TUSC1: variants seen among roughly 807,000 people sequenced by gnomAD.
The protein encoded by TUSC1 is tumor suppressor candidate gene 1 protein.
TUSC1 carries 8 observed loss-of-function variants against 5.2 expected under a neutral mutation model. The ratio of observed to expected loss-of-function variants is 1.54; its 90% CI spans 0.90 to 2.77. The LOEUF (loss-of-function observed/expected upper bound fraction) is 2.77, where lower values mean the gene tolerates loss of function less well. TUSC1 is among the 30% of genes most tolerant of loss of function. TUSC1 has a pLI of 0.00. For synonymous variants in TUSC1, 192 were observed against 144.2 expected (o/e 1.33, Z -2.37); for missense variants, 442 against 324.2 (o/e 1.36, Z -2.79).
Position 25,677,326 on chromosome 9 carries a change from C to T in TUSC1, c.*357G>A. The T allele has an allele frequency of 7.3e-6, 2 of 275,642 alleles. No individual in the cohort carries two copies. Among genetic ancestry groups the T allele is most frequent in the Non-Finnish European group, 1.4e-5 (2 of 147,658 alleles). The allele number at this position is 275,642 out of a possible 1,614,324, so 17.1% of individuals were successfully genotyped here. A position where few individuals can be genotyped will look rare whatever the true frequency, so the allele number is the denominator to read the frequency against. On this transcript the variant is annotated 3_prime_UTR_variant, in exon 1 of 1. Transcript: ENST00000358022. ...GAAAAAAAAAAATACAACAGGTTCG[C>T]ACAACATCCAGAAAAGTTCAGGGAA...
In TUSC1 at chr9:25,677,293, A is replaced by C; in HGVS notation, c.*390T>G. 5.0e-6 allele frequency: 1 copy of C among 201,066 alleles called. No individual in the cohort carries two copies. The allele number at this position is 201,066 out of a possible 1,614,324, so 12.5% of individuals were successfully genotyped here. A position where few individuals can be genotyped will look rare whatever the true frequency, so the allele number is the denominator to read the frequency against. On this transcript the variant is annotated 3_prime_UTR_variant, in exon 1 of 1. Coordinates refer to ENST00000358022, the MANE Select transcript of TUSC1 (RefSeq NM_001004125.3). The stretch of plus-strand genomic sequence containing the variant: ...ACACATTACTCATCCCTCAGAACCA[A>C]AATACAGGAAAAAAAAAAATACAAC...
In TUSC1 at chr9:25,677,804, AGCAGGGCCCG is replaced by A; in HGVS notation, c.499_508del (p.Arg167CysfsTer47). 1 of 1,592,200 alleles carries A rather than the reference AGCAGGGCCCG, an allele frequency of 6.3e-7. No individual in the cohort carries two copies. Among genetic ancestry groups the A allele is most frequent in the Non-Finnish European group, 8.5e-7 (1 of 1,170,518 alleles). The stretch of plus-strand genomic sequence containing the variant: ...TCCCCGCTGCTCGAGGTGCAGCTGC[AGCAGGGCCCG>A]GCGGTACATGGCTTCCAGCTTCTCA... On this transcript the variant is annotated frameshift_variant, in exon 1 of 1. Transcript: ENST00000358022. LOFTEE classifies it low-confidence loss of function (END_TRUNC).
chr9:25,677,512 G>C lies in TUSC1; in HGVS notation c.*171C>G, dbSNP rs1257722773. 14 of 1,311,266 alleles carry C rather than the reference G, an allele frequency of 1.1e-5. No individual in the cohort carries two copies. The highest frequency in any genetic ancestry group is 1.5e-5 in the African/African-American group (1 of 67,456). 81.2% of individuals were successfully genotyped at this position (1,311,266 alleles called of 1,614,324 possible). On this transcript the variant is annotated 3_prime_UTR_variant, in exon 1 of 1. Coordinates refer to ENST00000358022, the MANE Select transcript of TUSC1 (RefSeq NM_001004125.3). ...TGCACCCACTCGACCTCCACCAAGCGGATGGCCAAGCGCCACCCGGAAGTG... is the reference window on the plus strand; with the variant it reads ...TGCACCCACTCGACCTCCACCAAGCCGATGGCCAAGCGCCACCCGGAAGTG...
chr9:25,678,179 A>ACGCCGC lies in TUSC1; in HGVS notation c.128_133dup (p.Gly43_Gly44dup), dbSNP rs555576178. On this transcript the variant is annotated inframe_insertion, in exon 1 of 1. Coordinates refer to ENST00000358022, the MANE Select transcript of TUSC1 (RefSeq NM_001004125.3). ...GCCGTCCGCGCGGCCTCGCCAGCCC[A>ACGCCGC]CGCCGCCGCCGCCGCCGCTGGGGCT... 696 of 1,384,844 alleles carry ACGCCGC rather than the reference A, an allele frequency of 5.0e-4. No homozygotes were observed. The highest frequency in any genetic ancestry group is 1.4e-3 in the Middle Eastern group (6 of 4,182). 85.8% of individuals were successfully genotyped at this position (1,384,844 alleles called of 1,614,324 possible).
rs1244366048 is a variant in TUSC1, at chr9:25,678,328, C to G, written c.-16G>C. On this transcript the variant is annotated 5_prime_UTR_variant, in exon 1 of 1. Coordinates refer to ENST00000358022, the MANE Select transcript of TUSC1 (RefSeq NM_001004125.3). ...TGCGCCACATCGGTCCCATCCCAAC[C>G]GCGCCGCCAGCCCCGTGGGCTGAGG... The G allele has an allele frequency of 7.0e-7, 1 of 1,428,570 alleles. No individual in the cohort carries two copies. Among genetic ancestry groups the G allele is most frequent in the Non-Finnish European group, 9.2e-7 (1 of 1,090,944 alleles). The allele number at this position is 1,428,570 out of a possible 1,614,324, so 88.5% of individuals were successfully genotyped here. A position where few individuals can be genotyped will look rare whatever the true frequency, so the allele number is the denominator to read the frequency against.
At position 25,677,568 on chromosome 9, in the gene TUSC1, T is replaced by C. The variant is rs1315334568; in HGVS notation, c.*115A>G. On this transcript the variant is annotated 3_prime_UTR_variant, in exon 1 of 1. Coordinates refer to ENST00000358022, the MANE Select transcript of TUSC1 (RefSeq NM_001004125.3). ...TGGTGGGGGCGGGAAGGCACCGTAG[T>C]CCAAGGTATCCGCGGGCAGGGAGCG... The C allele has an allele frequency of 2.8e-6, 4 of 1,433,354 alleles. No individual in the cohort carries two copies. The highest frequency in any genetic ancestry group is 3.6e-6 in the Non-Finnish European group (4 of 1,098,776). 88.8% of individuals were successfully genotyped at this position (1,433,354 alleles called of 1,614,324 possible).
Position 25,678,364 on chromosome 9 carries a change from C to A in TUSC1, c.-52G>T, listed in dbSNP as rs1819097511. ...CCCCGTGGGCTGAGGGGCCGCGCGG[C>A]CAGGCGCGGGCAAGTTCGGGGCTGG... On this transcript the variant is annotated 5_prime_UTR_variant, in exon 1 of 1. Coordinates refer to ENST00000358022, the MANE Select transcript of TUSC1 (RefSeq NM_001004125.3). The A allele has an allele frequency of 3.0e-6, 4 of 1,345,788 alleles. No homozygotes were observed. Among genetic ancestry groups the A allele is most frequent in the Non-Finnish European group, 2.9e-6 (3 of 1,045,106 alleles). 83.4% of individuals were successfully genotyped at this position (1,345,788 alleles called of 1,614,324 possible).
chr9:25,677,714 C>T lies in TUSC1; in HGVS notation c.599G>A (p.Arg200Gln), dbSNP rs866402579. The T allele has an allele frequency of 1.2e-5, 18 of 1,559,556 alleles. No individual in the cohort carries two copies. The highest frequency in any genetic ancestry group is 1.5e-5 in the Non-Finnish European group (17 of 1,152,242). The stretch of plus-strand genomic sequence containing the variant: ...CCAGGGCCCAGAGGGCTCCGAGTCC[C>T]GGGAGCGGAGGCCGGAGTCGGGTTC... Reference protein sequence around the residue: ...LQEPDSGLRSRDSEPSGPWL With the variant: ...LQEPDSGLRSQDSEPSGPWL Residue 200 changes from arginine (R) to glutamine (Q), a missense_variant, in exon 1 of 1, where the codon CGG becomes CAG. Physicochemically the swap from Arg to Gln is conservative, Grantham distance 43 (BLOSUM62 1). Transcript: ENST00000358022.
Position 25,677,843 on chromosome 9 carries a change from CGGGCCCTCA to C in TUSC1, c.461_469del (p.Leu154_Ala156del). The C allele has an allele frequency of 6.3e-7, 1 of 1,596,600 alleles. No homozygotes were observed. Among genetic ancestry groups the C allele is most frequent in the Non-Finnish European group, 8.5e-7 (1 of 1,173,902 alleles). On this transcript the variant is annotated inframe_deletion, in exon 1 of 1. Coordinates refer to ENST00000358022, the MANE Select transcript of TUSC1 (RefSeq NM_001004125.3). Reference sequence around the variant, plus strand: ...GTACATGGCTTCCAGCTTCTCAAGTCGGGCCCTCAGGGCCCTGGGGCTGCCCGGCTCGTC... The same window carrying C: ...GTACATGGCTTCCAGCTTCTCAAGTCGGGCCCTGGGGCTGCCCGGCTCGTC...
Position 25,677,706 on chromosome 9 carries a change from C to G in TUSC1, c.607G>C (p.Glu203Gln), listed in dbSNP as rs1368110828. The G allele has an allele frequency of 6.4e-7, 1 of 1,554,824 alleles. No homozygotes were observed. The highest frequency in any genetic ancestry group is 1.4e-5 in the African/African-American group (1 of 73,574). The stretch of plus-strand genomic sequence containing the variant: ...GGCTACAGCCAGGGCCCAGAGGGCT[C>G]CGAGTCCCGGGAGCGGAGGCCGGAG... ...PDSGLRSRDS[E>Q]PSGPWL Residue 203 changes from glutamate (E) to glutamine (Q), a missense_variant, in exon 1 of 1, where the codon GAG becomes CAG. By Grantham distance (29) the Glu-to-Gln change is conservative (BLOSUM62 2). Transcript: ENST00000358022.
chr9:25,677,645 C>G lies in TUSC1; in HGVS notation c.*38G>C. ...TAGCTGGGAACGGAGGAGGAGGGGC[C>G]CGCTCGAGGCTCCGCCTCTCACCGG... On this transcript the variant is annotated 3_prime_UTR_variant, in exon 1 of 1. Transcript: ENST00000358022. The G allele has an allele frequency of 6.8e-7, 1 of 1,461,164 alleles. No homozygotes were observed. Among genetic ancestry groups the G allele is most frequent in the Non-Finnish European group, 9.0e-7 (1 of 1,110,342 alleles). 90.5% of individuals were successfully genotyped at this position (1,461,164 alleles called of 1,614,324 possible). A position where few individuals can be genotyped will look rare whatever the true frequency, so the allele number is the denominator to read the frequency against.
At position 25,677,770 on chromosome 9, in the gene TUSC1, C is replaced by G. The variant is rs780818782; in HGVS notation, c.543G>C (p.Pro181=). Residue 181 remains proline, a synonymous_variant, in exon 1 of 1, where the codon CCG becomes CCC. Coordinates refer to ENST00000358022, the MANE Select transcript of TUSC1 (RefSeq NM_001004125.3). ...GAGGCTGCTCCTCCTTGTCCCCGCT[C>G]GGACGTGGTCCCCGCTGCTCGAGGT... ...QLHLEQRGPR[P]SGDKEEQPLQ... is the part of the protein sequence containing the mutation. 3.2e-6 allele frequency: 5 copies of G among 1,582,574 alleles called. No individual in the cohort carries two copies. The highest frequency in any genetic ancestry group is 4.3e-6 in the Non-Finnish European group (5 of 1,165,166).
rs1258113443 is a variant in TUSC1 at position 25,677,553 on chromosome 9, G to A, written c.*130C>T. On this transcript the variant is annotated 3_prime_UTR_variant, in exon 1 of 1. Transcript: ENST00000358022. ...CCCGGAAGTGTCCACTGGTGGGGGC[G>A]GGAAGGCACCGTAGTCCAAGGTATC... The A allele has an allele frequency of 4.9e-6, 7 of 1,424,732 alleles. No individual in the cohort carries two copies. Among genetic ancestry groups the A allele is most frequent in the African/African-American group, 4.3e-5 (3 of 69,362 alleles). The allele number at this position is 1,424,732 out of a possible 1,614,324, so 88.3% of individuals were successfully genotyped here.
chr9:25,677,783 C>CG lies in TUSC1; in HGVS notation c.529dup (p.Arg177ProfsTer133). The CG allele has an allele frequency of 6.3e-7, 1 of 1,586,436 alleles. No individual in the cohort carries two copies. Among genetic ancestry groups the CG allele is most frequent in the Non-Finnish European group, 8.6e-7 (1 of 1,167,288 alleles). ...CTTGTCCCCGCTCGGACGTGGTCCC[C>CG]GCTGCTCGAGGTGCAGCTGCAGCAG... is the stretch of plus-strand genomic sequence containing the variant. On this transcript the variant is annotated frameshift_variant, in exon 1 of 1. Transcript: ENST00000358022. LOFTEE classifies it low-confidence loss of function (END_TRUNC).
Position 25,677,245 on chromosome 9 carries a change from T to C in TUSC1, c.*438A>G, listed in dbSNP as rs148285595. On this transcript the variant is annotated 3_prime_UTR_variant, in exon 1 of 1. Transcript: ENST00000358022. ...CTGAAGGCTTTAGGGGATTGAAGAA[T>C]GGATAAACTCAACCAACTAAAAACA... 326 of 167,248 alleles carry C rather than the reference T, an allele frequency of 1.9e-3. 5 individuals carry two copies. The highest frequency in any genetic ancestry group is 7.4e-3 in the African/African-American group (310 of 41,982). The allele number at this position is 167,248 out of a possible 1,614,324, so 10.4% of individuals were successfully genotyped here.
chr9:25,677,735 G>C lies in TUSC1; in HGVS notation c.578C>G (p.Pro193Arg). ...GDKEEQPLQEPDSGLRSRDSE... is the reference protein window; with the variant it reads ...GDKEEQPLQERDSGLRSRDSE... ...GTCCCGGGAGCGGAGGCCGGAGTCG[G>C]GTTCCTGTAGAGGCTGCTCCTCCTT... Residue 193 changes from proline to arginine, a missense_variant, in exon 1 of 1, where the codon CCC becomes CGC. Pro to Arg is a moderately radical substitution (Grantham distance 103). Coordinates refer to ENST00000358022, the MANE Select transcript of TUSC1 (RefSeq NM_001004125.3). 6.4e-7 allele frequency: 1 copy of C among 1,572,810 alleles called. No individual in the cohort carries two copies.
chr9:25,678,359 C>T lies in TUSC1; in HGVS notation c.-47G>A, dbSNP rs761051423. 3.9e-5 allele frequency: 53 copies of T among 1,346,098 alleles called. 1 individual carries two copies. Among genetic ancestry groups the T allele is most frequent in the African/African-American group, 3.3e-4 (21 of 63,912 alleles). The allele number at this position is 1,346,098 out of a possible 1,614,324, so 83.4% of individuals were successfully genotyped here. On this transcript the variant is annotated 5_prime_UTR_variant, in exon 1 of 1. Coordinates refer to ENST00000358022, the MANE Select transcript of TUSC1 (RefSeq NM_001004125.3). ...GCCAGCCCCGTGGGCTGAGGGGCCG[C>T]GCGGCCAGGCGCGGGCAAGTTCGGG...
chr9:25,677,714 CG>C lies in TUSC1; in HGVS notation c.598del (p.Arg200GlyfsTer17). 6.4e-7 allele frequency: 1 copy of C among 1,559,552 alleles called. No individual in the cohort carries two copies. The highest frequency in any genetic ancestry group is 1.2e-5 in the South Asian group (1 of 85,028). ...LQEPDSGLRS[R>X]DSEPSGPWL ...CCAGGGCCCAGAGGGCTCCGAGTCC[CG>C]GGAGCGGAGGCCGGAGTCGGGTTCC... On this transcript the variant is annotated frameshift_variant, in exon 1 of 1. Transcript: ENST00000358022. LOFTEE classifies it high-confidence loss of function.
At position 25,678,038 on chromosome 9, in the gene TUSC1, C is replaced by A. The variant is rs1041970247; in HGVS notation, c.275G>T (p.Arg92Leu). ...QNARLRQENA[R>L]LRLENRRLKR... The stretch of plus-strand genomic sequence containing the variant: ...CAGCCGCCGGTTCTCGAGCCGCAGC[C>A]GGGCGTTCTCCTGACGCAGCCGCGC... Residue 92 changes from arginine to leucine, a missense_variant, in exon 1 of 1, where the codon CGG (arginine) becomes CTG (leucine). By Grantham distance (102) the Arg-to-Leu change is moderately radical. Coordinates refer to ENST00000358022, the MANE Select transcript of TUSC1 (RefSeq NM_001004125.3). 13 of 1,577,834 alleles carry A rather than the reference C, an allele frequency of 8.2e-6. No individual in the cohort carries two copies. Among genetic ancestry groups the A allele is most frequent in the Non-Finnish European group, 1.1e-5 (13 of 1,168,374 alleles).
Sources: gnomAD v4.1 joint callset for allele counts on GRCh38, gnomAD v4.1.1 for gene constraint, MANE v1.5 for transcripts, NCBI Gene and HGNC (gene_info 2026-07-23, HGNC 2026-07-21) for gene names.